RASEF: variants seen among roughly 807,000 people sequenced by gnomAD.
RASEF encodes the protein RAS and EF-hand domain containing, also known as ras and EF-hand domain-containing protein.
In RASEF, 68 loss-of-function variants were observed where a neutral mutation model predicts 90.1. The observed-to-expected ratio is 0.75, with a 90% CI of 0.62 to 0.92. The LOEUF is 0.92. RASEF is among the 40% of genes least tolerant of loss of function. The pLI is 0.00. For missense variants in RASEF, 949 were observed against 937.2 expected (o/e 1.01, Z -0.16); for synonymous variants, 331 against 345.2 (o/e 0.96, Z 0.46).
At chr9:83,086,238 G>C in the RASEF span, among the ~76,000 whole-genome samples, 1 of 152,076 alleles carries the variant, frequency 6.6e-6, no homozygotes, top group African/African-American at 2.4e-5. Flanking sequence ...AGAGATCCAA[G>C]AATAAGATAA....
At chr9:83,207,839 C>CTCA in the RASEF span, among the ~76,000 whole-genome samples, 6 of 152,178 alleles carry the variant, frequency 3.9e-5, no homozygotes, top group African/African-American at 1.4e-4. Flanking sequence ...AACTTCTGAC[C>CTCA]TCATGATCCA....
At chr9:83,088,342 C>T in the RASEF span, among the ~76,000 whole-genome samples, 2 of 148,338 alleles carry the variant, frequency 1.3e-5, no homozygotes, top group Non-Finnish European at 3.0e-5. Flanking sequence ...TATCTCTTAT[C>T]TATCTATATA....
intron 1 of RASEF, among the ~76,000 whole-genome samples, chr9:83,031,813 G>A (rs376339478): frequency 3.9e-5 from 6 of 152,274 alleles, no homozygotes; most frequent in African/African-American, 1.4e-4. Context: ...TTTACTTAAA[G>A]CTATCTGGGG....
chr9:83,059,620 C>T (rs1386767956), intron 1 of RASEF, among the ~76,000 whole-genome samples: 1 of 152,142 alleles, frequency 6.6e-6, no homozygotes, highest in African/African-American at 2.4e-5. Context: ...ACCCTCAACA[C>T]CCACACATTT....
the RASEF span, among the ~76,000 whole-genome samples, chr9:83,095,683 C>A: frequency 3.9e-5 from 6 of 151,904 alleles, no homozygotes; most frequent in Admixed American, 2.6e-4. Context: ...CTCTTTACGG[C>A]TGAGTGAATA....
chr9:83,096,086 T>G, the RASEF span, among the ~76,000 whole-genome samples: 1 of 152,158 alleles, frequency 6.6e-6, no homozygotes, highest in African/African-American at 2.4e-5. Flanking sequence ...CCTTCTCCTA[T>G]CTGTAGAACA....
the RASEF span, among the ~76,000 whole-genome samples, chr9:83,188,749 C>T: frequency 7.2e-5 from 11 of 152,160 alleles, no homozygotes; most frequent in Admixed American, 2.0e-4. Flanking sequence ...CACATCCCAG[C>T]GTTTGGAAAC....
chr9:83,196,898 T>C, the RASEF span, among the ~76,000 whole-genome samples: 65 of 152,356 alleles, frequency 4.3e-4, no homozygotes, highest in African/African-American at 1.2e-3. Context: ...AACCATTAAA[T>C]CTTTACCCAA....
chr9:83,108,763 G>T, the RASEF span, among the ~76,000 whole-genome samples: 1 of 152,112 alleles, frequency 6.6e-6, no homozygotes, highest in African/African-American at 2.4e-5. Flanking sequence ...ACATCTGATT[G>T]AACTTCTATT....
At chr9:83,055,376 T>G (rs1032482847) in intron 1 of RASEF, 5 of 484,036 alleles carry the variant, frequency 1.0e-5, no homozygotes, top group East Asian at 7.7e-5. Flanking sequence ...GCTTCCCAGG[T>G]GAGGCAATGC....
intron 9 of RASEF, among the ~76,000 whole-genome samples, chr9:83,003,171 A>C (rs929001793): frequency 4.6e-5 from 7 of 152,198 alleles, no homozygotes; most frequent in African/African-American, 1.7e-4. Context: ...TTTTTATATT[A>C]GCATCAAAAA....
chr9:83,089,515 A>G, the RASEF span, among the ~76,000 whole-genome samples: 3 of 152,136 alleles, frequency 2.0e-5, no homozygotes, highest in South Asian at 6.2e-4. Flanking sequence ...TGAATGTTTC[A>G]ATTTCTCTTT....
At position 83,015,907 on chromosome 9, in the gene RASEF, G is replaced by GA. The variant is rs770770787; in HGVS notation, c.670-8dup. On this transcript the variant is annotated splice_region_variant and splice_polypyrimidine_tract_variant and intron_variant, in intron 3 of 16. Transcript: ENST00000376447. ...CCTCAGCTTTGCGTTTTTCCTAAAA[G>GA]AAAAAAAAATATGTTGTTCATTTAA... 936 of 1,576,800 alleles carry GA rather than the reference G, an allele frequency of 5.9e-4. No individual in the cohort carries two copies. The highest frequency in any genetic ancestry group is 1.0e-3 in the Middle Eastern group (6 of 5,920).
chr9:83,029,507 C>T (rs1829605951), intron 1 of RASEF, among the ~76,000 whole-genome samples: 1 of 151,812 alleles, frequency 6.6e-6, no homozygotes, highest in Admixed American at 6.6e-5. Context: ...ATTCTCCTAC[C>T]TCAGCCTCCT....
At chr9:83,068,038 A>G (rs1210231890), upstream of RASEF, among the ~76,000 whole-genome samples, 3 of 152,104 alleles carry the variant, frequency 2.0e-5, no homozygotes, top group African/African-American at 7.2e-5. Flanking sequence ...CACTACTCCC[A>G]GTTAATTTTT....
At chr9:83,068,448 G>A in the RASEF span, among the ~76,000 whole-genome samples, 8 of 152,180 alleles carry the variant, frequency 5.3e-5, no homozygotes, top group Non-Finnish European at 1.0e-4. Flanking sequence ...AGAACACCAG[G>A]TGGCTAGGAC....
chr9:83,192,318 AT>A, the RASEF span, among the ~76,000 whole-genome samples: 13 of 152,364 alleles, frequency 8.5e-5, no homozygotes, highest in Admixed American at 3.3e-4. Context: ...ATGCCCATCA[AT>A]GGTAGACTGG....
chr9:83,062,423 G>A lies in RASEF; in HGVS notation c.431+14C>T, dbSNP rs1830224107. 1 of 1,612,020 alleles carries A rather than the reference G, an allele frequency of 6.2e-7. No homozygotes were observed. Among genetic ancestry groups the A allele is most frequent in the Non-Finnish European group, 8.5e-7 (1 of 1,179,110 alleles). ...GCGCCAGAATAACCTCCCGCCCCCAGCTCACACTCGCACCTGGGAATGAAC... is the reference window on the plus strand; with the variant it reads ...GCGCCAGAATAACCTCCCGCCCCCAACTCACACTCGCACCTGGGAATGAAC... On this transcript the variant is annotated intron_variant, in intron 1 of 16. Coordinates refer to ENST00000376447, the MANE Select transcript of RASEF (RefSeq NM_152573.4).
chr9:83,020,807 T>C (rs529734743), intron 3 of RASEF, among the ~76,000 whole-genome samples: 13 of 152,184 alleles, frequency 8.5e-5, no homozygotes, highest in Non-Finnish European at 1.9e-4. Context: ...GAATAACACG[T>C]GCTTGATAAG....
Sources: allele counts gnomAD v4.1 joint callset (sites outside exome capture counted in the v4.1 genomes callset), GRCh38; gene constraint gnomAD v4.1.1; transcripts MANE v1.5; gene names NCBI Gene and HGNC (gene_info 2026-07-23, HGNC 2026-07-21).